The following WWTR1 variants were observed in gnomAD, a reference collection of about 807,000 sequenced individuals.
The protein encoded by WWTR1 is WW domain containing transcription regulator 1, also known as WW domain-containing transcription regulator protein 1.
In WWTR1, 13 loss-of-function variants were observed where a neutral mutation model predicts 40.1. The observed-to-expected ratio is 0.32, with a 90% CI of 0.21 to 0.52. The LOEUF (loss-of-function observed/expected upper bound fraction) is 0.52. WWTR1 is among the 20% of genes least tolerant of loss of function. The pLI is 0.97. For synonymous variants in WWTR1, 230 were observed against 210.1 expected (o/e 1.09, Z -0.82); for missense variants, 436 against 523.1 (o/e 0.83, Z 1.63).
chr3:149,530,810 A>T (rs578227860), intron 4 of WWTR1, among the ~76,000 whole-genome samples: 58 of 152,240 alleles, frequency 3.8e-4, no homozygotes, highest in African/African-American at 1.4e-3. Flanking sequence ...AGACTTAATC[A>T]CCAAGTCATC....
At chr3:149,656,769 T>C in intron 2 of WWTR1, 107 bp downstream of exon 2, 18 of 879,828 alleles carry the variant, frequency 2.0e-5, no homozygotes, top group Non-Finnish European at 2.7e-5. Context: ...TCTCTTTCTC[T>C]CTCTCTCTCT....
At chr3:149,589,170 G>A (rs559317240) in intron 2 of WWTR1, among the ~76,000 whole-genome samples, 1 of 152,266 alleles carries the variant, frequency 6.6e-6, no homozygotes, top group East Asian at 1.9e-4. Context: ...TCCAGCACCT[G>A]TCAGCCTGGG....
At chr3:149,649,423 G>A (rs561337927) in intron 2 of WWTR1, among the ~76,000 whole-genome samples, 46 of 152,328 alleles carry the variant, frequency 3.0e-4, no homozygotes, top group African/African-American at 1.1e-3. Flanking sequence ...GAATGAACTT[G>A]CAAAGGTGGT....
chr3:149,548,744 T>C (rs1261778243), intron 3 of WWTR1, among the ~76,000 whole-genome samples: 1 of 152,214 alleles, frequency 6.6e-6, no homozygotes, highest in African/African-American at 2.4e-5. Context: ...TAGTATGCGT[T>C]TCTTGTTGTA....
intron 2 of WWTR1, among the ~76,000 whole-genome samples, chr3:149,574,921 C>A (rs955370755): frequency 9.9e-5 from 15 of 151,908 alleles, no homozygotes; most frequent in African/African-American, 3.6e-4. Flanking sequence ...ATGGTGAAAC[C>A]CCAGCTCTAT....
chr3:149,555,089 C>T (rs950759013), intron 3 of WWTR1, among the ~76,000 whole-genome samples: 1 of 152,112 alleles, frequency 6.6e-6, no homozygotes, highest in Non-Finnish European at 1.5e-5. Context: ...GTTAGCTTTC[C>T]TGAATCATTT....
intron 3 of WWTR1, among the ~76,000 whole-genome samples, chr3:149,543,580 C>A (rs868536111): frequency 1.5e-3 from 46 of 31,216 alleles, no homozygotes; most frequent in East Asian, 2.5e-3. Flanking sequence ...GACTCTGTCT[C>A]AAAAAAAAAA....
At chr3:149,702,476 A>ATTATTATTATTATTATTT (rs1715211316) in intron 1 of WWTR1, 1 of 150,264 alleles carries the variant, frequency 6.7e-6, no homozygotes, top group Non-Finnish European at 1.5e-5. Context: ...TATTATTATT[A>ATTATTATTATTATTATTT]TTATTATTAT....
chr3:149,633,903 C>T (rs1040548149), intron 2 of WWTR1, among the ~76,000 whole-genome samples: 3 of 152,040 alleles, frequency 2.0e-5, no homozygotes, highest in Admixed American at 1.3e-4. Context: ...AGGAGATCAG[C>T]CCTGACAGGA....
exon 1 of WWTR1, chr3:149,703,214 G>A (rs990652083): frequency 6.6e-6 from 1 of 152,354 alleles, no homozygotes; most frequent in Non-Finnish European, 1.5e-5. Flanking sequence ...GATGTGAGCT[G>A]AAATGAGTCA....
chr3:149,663,530 T>A (rs1713674992), intron 2 of WWTR1, among the ~76,000 whole-genome samples: 1 of 151,874 alleles, frequency 6.6e-6, no homozygotes, highest in Non-Finnish European at 1.5e-5. Flanking sequence ...ACCCCGTTTC[T>A]ACTAAAAATA....
At chr3:149,585,583 T>G (rs1738385332) in intron 2 of WWTR1, among the ~76,000 whole-genome samples, 1 of 151,968 alleles carries the variant, frequency 6.6e-6, no homozygotes, top group African/African-American at 2.4e-5. Flanking sequence ...ATTCTAATAA[T>G]AGCAACTCTC....
At chr3:149,646,434 G>T (rs1712537928) in intron 2 of WWTR1, among the ~76,000 whole-genome samples, 1 of 152,182 alleles carries the variant, frequency 6.6e-6, no homozygotes, top group East Asian at 1.9e-4. Flanking sequence ...TCATAGCAAT[G>T]CCATTTTGCC....
At chr3:149,665,752 G>A (rs1330350017) in intron 2 of WWTR1, among the ~76,000 whole-genome samples, 5 of 152,092 alleles carry the variant, frequency 3.3e-5, no homozygotes, top group African/African-American at 7.2e-5. Flanking sequence ...TGAATAAAAA[G>A]ATGCTAAAAT....
chr3:149,573,329 T>C (rs989312891), intron 2 of WWTR1, among the ~76,000 whole-genome samples: 2 of 151,994 alleles, frequency 1.3e-5, no homozygotes, highest in African/African-American at 4.8e-5. Flanking sequence ...TTCTCAGCCA[T>C]CCAATCACTG....
At chr3:149,582,179 C>T (rs574537781) in intron 2 of WWTR1, among the ~76,000 whole-genome samples, 77 of 152,102 alleles carry the variant, frequency 5.1e-4, no homozygotes, top group East Asian at 5.8e-4. Flanking sequence ...ATATGCTGCA[C>T]GCACCCCAAC....
intron 3 of WWTR1, among the ~76,000 whole-genome samples, chr3:149,568,397 A>G (rs1346551643): frequency 6.6e-6 from 1 of 151,784 alleles, no homozygotes; most frequent in Non-Finnish European, 1.5e-5. Context: ...CTGGGAATTC[A>G]GGCTTAAAGG....
intron 3 of WWTR1, among the ~76,000 whole-genome samples, chr3:149,544,391 G>T (rs1418379242): frequency 1.3e-5 from 2 of 152,154 alleles, no homozygotes; most frequent in Non-Finnish European, 2.9e-5. Context: ...TGCAATTCCT[G>T]CTGCGTGTCA....
intron 2 of WWTR1, chr3:149,576,063 G>A (rs1737864245): frequency 2.2e-6 from 1 of 456,678 alleles, no homozygotes. Flanking sequence ...AGTACAAGAG[G>A]GAGCCTTTCT....
Sources: gnomAD v4.1 joint callset for allele counts (sites outside exome capture counted in the v4.1 genomes callset) on GRCh38, gnomAD v4.1.1 for gene constraint, MANE v1.5 for transcripts, NCBI Gene and HGNC (gene_info 2026-07-23, HGNC 2026-07-21) for gene names.